The following NCAPH variants were observed in gnomAD, a reference collection of about 807,000 sequenced individuals.
NCAPH encodes condensin complex subunit 2.
Under a neutral mutation model 85.5 loss-of-function variants are expected in NCAPH, and 38 were observed. The observed-to-expected ratio is 0.44, with a 90% CI of 0.34 to 0.58. The LOEUF (loss-of-function observed/expected upper bound fraction) is 0.58, where lower values mean the gene tolerates loss of function less well. Ranked by LOEUF, NCAPH falls within the 20% of genes least tolerant of loss-of-function variation. The pLI is 0.01. For synonymous variants in NCAPH, 301 were observed against 335.1 expected, an observed-to-expected ratio of 0.90 and a Z score of 1.11; for missense variants, 789 against 916.6, an observed-to-expected ratio of 0.86 and a Z score of 1.80.
At chr2:96,354,477 T>C in intron 9 of NCAPH, 89 bp downstream of exon 9, 2 of 1,184,002 alleles carry the variant, frequency 1.7e-6, no homozygotes, top group Non-Finnish European at 2.2e-6. Flanking sequence ...AAAAAATTTT[T>C]CTTTCTTTTT....
At chr2:96,348,787 C>G (rs2064396819) in intron 6 of NCAPH, among the ~76,000 whole-genome samples, 1 of 152,120 alleles carries the variant, frequency 6.6e-6, no homozygotes. Context: ...TCCCATGTAG[C>G]TGGGACGCAC....
chr2:96,373,227 T>C (rs2064796288), intron 17 of NCAPH, 65 bp from the exon 18 acceptor site: 2 of 1,399,388 alleles, frequency 1.4e-6, no homozygotes, highest in African/African-American at 2.8e-5. Flanking sequence ...GTGACTGTGA[T>C]TGGAATTTAT....
intron 3 of NCAPH, 29 bp downstream of exon 3, chr2:96,342,169 A>T: frequency 6.6e-7 from 1 of 1,525,598 alleles, no homozygotes; most frequent in Non-Finnish European, 9.1e-7. Context: ...ATTATTGAAG[A>T]CGTAATCCCT....
chr2:96,351,806 C>T (rs1449387742), intron 6 of NCAPH, 25 bp from the exon 7 acceptor site: 1 of 1,554,830 alleles, frequency 6.4e-7, no homozygotes, highest in Non-Finnish European at 8.7e-7. Context: ...CGTAAATCTT[C>T]AGTTTCTTCT....
At chr2:96,350,757 G>C (rs1241698840) in intron 6 of NCAPH, among the ~76,000 whole-genome samples, 1 of 152,160 alleles carries the variant, frequency 6.6e-6, no homozygotes, top group African/African-American at 2.4e-5. Context: ...GACCAGGGAA[G>C]AGCCAGGGAG....
chr2:96,356,296 A>T (rs2104461906), intron 9 of NCAPH, among the ~76,000 whole-genome samples: 1 of 152,246 alleles, frequency 6.6e-6, no homozygotes, highest in South Asian at 2.1e-4. Flanking sequence ...TGAGTGTTTG[A>T]TCTGGAGTAG....
chr2:96,366,525 T>C (rs2064701504), intron 14 of NCAPH, among the ~76,000 whole-genome samples: 1 of 152,238 alleles, frequency 6.6e-6, no homozygotes. Context: ...AGCCTTAATG[T>C]AGATTGCACT....
intron 12 of NCAPH, among the ~76,000 whole-genome samples, chr2:96,362,314 T>C (rs1558800679): frequency 1.3e-5 from 2 of 152,150 alleles, no homozygotes; most frequent in South Asian, 2.1e-4. Context: ...CTGACTCTTA[T>C]GGATGATTTT....
chr2:96,372,852 A>G (rs779540010), intron 17 of NCAPH, among the ~76,000 whole-genome samples: 2 of 152,214 alleles, frequency 1.3e-5, no homozygotes, highest in Non-Finnish European at 2.9e-5. Context: ...GTGTATACAT[A>G]TATATAAAAA....
chr2:96,343,241 A>C lies in NCAPH; in HGVS notation c.532A>C (p.Arg178=). The change falls in exon 5 of 18, where the codon AGA becomes CGA. Residue 178 remains arginine (R), a synonymous_variant. Coordinates refer to ENST00000240423, the MANE Select transcript of NCAPH (RefSeq NM_015341.5). ...RVDAVHADVY[R]VLGGLGKDAP... ...GGATGCCGTCCATGCCGATGTATAC[A>C]GAGTCCTTGGGGGGCTGGGCAAAGA... 2 of 1,614,120 alleles carry C rather than the reference A, an allele frequency of 1.2e-6. No individual in the cohort carries two copies. Among genetic ancestry groups the C allele is most frequent in the Non-Finnish European group, 1.7e-6 (2 of 1,179,986 alleles).
At chr2:96,356,696 T>A (rs1426394731) in intron 9 of NCAPH, among the ~76,000 whole-genome samples, 1 of 151,986 alleles carries the variant, frequency 6.6e-6, no homozygotes, top group Non-Finnish European at 1.5e-5. Flanking sequence ...AGCATCTCAG[T>A]GGGTAGAGGG....
In NCAPH at chr2:96,364,596, AG is replaced by A. The variant is rs1573092861; in HGVS notation, c.1698+11del. On this transcript the variant is annotated splice_donor_region_variant and intron_variant, in intron 13 of 17. Transcript: ENST00000240423. ...AACTTTTGCCCTGGATTACAGGTAA[AG>A]GGGGGAAAGGGGCTCTGTCCTCTCT... The A allele has an allele frequency of 4.5e-6, 7 of 1,569,584 alleles. No homozygotes were observed. The highest frequency in any genetic ancestry group is 5.3e-6 in the Non-Finnish European group (6 of 1,139,810).
chr2:96,367,507 G>A (rs1457788469), intron 15 of NCAPH, 134 bp downstream of exon 15: 12 of 611,300 alleles, frequency 2.0e-5, no homozygotes, highest in Non-Finnish European at 3.2e-5. Flanking sequence ...AAGGAGCTGG[G>A]CATGGTGGCT....
intron 15 of NCAPH, 31 bp downstream of exon 15, chr2:96,367,404 C>A: frequency 6.5e-7 from 1 of 1,531,124 alleles, no homozygotes; most frequent in Non-Finnish European, 9.0e-7. Context: ...CTCTAGGTGC[C>A]CAGCATGCGG....
rs1460634844 is a variant in NCAPH, at chr2:96,335,841, C to T, written c.12C>T (p.Pro4=). The part of the protein sequence containing the change: MGP[P]GPALPATMNN... The stretch of plus-strand genomic sequence containing the variant: ...GACGCCAAGGAAAGATGGGACCTCC[C>T]GGCCCAGGTGAGCCGGGCGGTCGGG... The change falls in exon 1 of 18, where the codon CCC becomes CCT. Residue 4 remains proline (P), a synonymous_variant. Coordinates refer to ENST00000240423, the MANE Select transcript of NCAPH (RefSeq NM_015341.5). 2 of 1,494,702 alleles carry T rather than the reference C, an allele frequency of 1.3e-6. No individual in the cohort carries two copies. Among genetic ancestry groups the T allele is most frequent in the South Asian group, 1.3e-5 (1 of 77,938 alleles). 92.6% of individuals were successfully genotyped at this position (1,494,702 alleles called of 1,614,324 possible).
At chr2:96,343,058 AT>A in intron 4 of NCAPH, 107 bp from the exon 5 acceptor site, 1 of 1,460,322 alleles carries the variant, frequency 6.8e-7, no homozygotes, top group South Asian at 1.3e-5. Context: ...GATCTTTGTC[AT>A]TGCTTCCTTG....
chr2:96,358,448 G>A (rs1033871888), intron 9 of NCAPH, among the ~76,000 whole-genome samples: 3 of 152,112 alleles, frequency 2.0e-5, no homozygotes, highest in Admixed American at 6.5e-5. Context: ...CATTTTACTA[G>A]CTGTAGATTC....
At chr2:96,369,551 C>A in intron 17 of NCAPH, 51 bp downstream of exon 17, 2 of 1,531,318 alleles carry the variant, frequency 1.3e-6, no homozygotes, top group South Asian at 1.1e-5. Context: ...CTGTTTATGT[C>A]AACTCATTTA....
chr2:96,336,252 C>T lies in NCAPH; in HGVS notation c.19+404C>T, dbSNP rs961996566. On this transcript the variant is annotated intron_variant, in intron 1 of 17. Coordinates refer to ENST00000240423, the MANE Select transcript of NCAPH (RefSeq NM_015341.5). ...TGGTTACCGTTGTATGCTTAGCATG[C>T]ATGCATTTATTTTTGCATCTATTCA... Among the ~76,000 whole-genome samples, 6 of 152,206 alleles carry T rather than the reference C, an allele frequency of 3.9e-5. No homozygotes were observed. In the East Asian group the frequency reaches 9.6e-4, roughly 24 times the overall value.
Sources: allele counts gnomAD v4.1 joint callset (sites outside exome capture counted in the v4.1 genomes callset), GRCh38; gene constraint gnomAD v4.1.1; transcripts MANE v1.5; gene names NCBI Gene and HGNC (gene_info 2026-07-23, HGNC 2026-07-21).